Variants in PDE10A observed in about 807,000 individuals in gnomAD.
PDE10A encodes the protein phosphodiesterase 10A, also known as cAMP and cAMP-inhibited cGMP 3',5'-cyclic phosphodiesterase 10A.
In PDE10A, 39 loss-of-function variants were observed where a neutral mutation model predicts 97.7. The ratio of observed to expected loss-of-function variants is 0.40; its 90% CI spans 0.31 to 0.52. The LOEUF (loss-of-function observed/expected upper bound fraction) is 0.52. Among genes scored for constraint, PDE10A ranks in the 20% least tolerant of loss-of-function variants. The pLI is 0.56. For synonymous variants in PDE10A, 371 were observed against 376.8 expected (o/e 0.98, Z 0.18); for missense variants, 731 against 1,047.8 (o/e 0.70, Z 4.17).
chr6:165,375,847 C>G (rs1344582489), intron 18 of PDE10A, among the ~76,000 whole-genome samples: 1 of 152,200 alleles, frequency 6.6e-6, no homozygotes, highest in Non-Finnish European at 1.5e-5. Context: ...AATGGAACAA[C>G]AAAGCCTCAA....
intron 2 of PDE10A, among the ~76,000 whole-genome samples, chr6:165,508,068 A>T (rs1289833239): frequency 6.6e-6 from 1 of 152,090 alleles, no homozygotes; most frequent in Admixed American, 6.6e-5. Flanking sequence ...TTGTATTTTC[A>T]AAAACGATTT....
At chr6:165,613,604 G>A (rs1001041034) in intron 1 of PDE10A, among the ~76,000 whole-genome samples, 6 of 152,092 alleles carry the variant, frequency 3.9e-5, no homozygotes, top group African/African-American at 1.2e-4. Flanking sequence ...CTGCACCACT[G>A]CACTCCACCC....
chr6:165,430,997 T>C (rs1403082414), intron 8 of PDE10A, among the ~76,000 whole-genome samples: 1 of 152,192 alleles, frequency 6.6e-6, no homozygotes, highest in Non-Finnish European at 1.5e-5. Context: ...TTAAATTAGA[T>C]ATCTTCAAAA....
chr6:165,383,602 T>C (rs569861040), intron 17 of PDE10A, among the ~76,000 whole-genome samples: 1 of 152,172 alleles, frequency 6.6e-6, no homozygotes, highest in East Asian at 1.9e-4. Flanking sequence ...CCCCTCCCCA[T>C]GCTCTACCTT....
At chr6:165,651,761 AAT>A (rs1293085118) in intron 1 of PDE10A, among the ~76,000 whole-genome samples, 8 of 152,186 alleles carry the variant, frequency 5.3e-5, no homozygotes, top group Non-Finnish European at 8.8e-5. Flanking sequence ...TTTGCATTTA[AAT>A]ATACACATAA....
chr6:165,921,776 G>A (rs1465580925), intron 1 of PDE10A, among the ~76,000 whole-genome samples: 1 of 152,210 alleles, frequency 6.6e-6, no homozygotes, highest in African/African-American at 2.4e-5. Flanking sequence ...TAGAAAGTGG[G>A]TGCAGAAGGG....
chr6:165,853,112 C>T (rs1315077487), intron 1 of PDE10A, among the ~76,000 whole-genome samples: 1 of 152,218 alleles, frequency 6.6e-6, no homozygotes, highest in African/African-American at 2.4e-5. Flanking sequence ...GCTGTCGACC[C>T]GGAGTCTGCG....
intron 1 of PDE10A, among the ~76,000 whole-genome samples, chr6:165,742,869 C>T (rs1408479129): frequency 1.3e-5 from 2 of 152,172 alleles, no homozygotes; most frequent in South Asian, 2.1e-4. Flanking sequence ...CAACACTGCC[C>T]GCTTGCGTTG....
rs77538531 is a variant in PDE10A at position 165,549,317 on chromosome 6, G to A, written c.866-5749C>T. ...CCAAGACAAATATATAAGTTATTAC[G>A]GTTTTTTCTGTTTTTGTTTTTGTTT... On this transcript the variant is annotated intron_variant, in intron 1 of 21. Coordinates refer to ENST00000539869, the MANE Select transcript of PDE10A (RefSeq NM_001385079.1). 3.9e-4 allele frequency among the ~76,000 whole-genome samples: 60 copies of A among 152,062 alleles called. No homozygotes were observed. The East Asian group carries it at 6.8e-3, about 17-fold the overall frequency.
At chr6:165,749,428 CCACCAT>C (rs1445717362) in intron 1 of PDE10A, among the ~76,000 whole-genome samples, 1 of 59,676 alleles carries the variant, frequency 1.7e-5, no homozygotes, top group African/African-American at 6.5e-5. Context: ...ATCACCATCA[CCACCAT>C]CACCATCACC....
At chr6:165,829,535 T>C (rs542058459) in intron 1 of PDE10A, among the ~76,000 whole-genome samples, 1 of 152,330 alleles carries the variant, frequency 6.6e-6, no homozygotes, top group South Asian at 2.1e-4. Flanking sequence ...AGGAGCATGC[T>C]TCGCCATCAG....
intron 1 of PDE10A, among the ~76,000 whole-genome samples, chr6:165,897,061 A>G (rs1335878105): frequency 1.3e-5 from 2 of 152,202 alleles, no homozygotes; most frequent in African/African-American, 2.4e-5. Context: ...GAGGCACTCA[A>G]CAGTCTGTTG....
chr6:165,380,687 C>T (rs574055043), intron 17 of PDE10A, among the ~76,000 whole-genome samples: 1 of 152,202 alleles, frequency 6.6e-6, no homozygotes, highest in African/African-American at 2.4e-5. Flanking sequence ...TGAGATGAGC[C>T]GTTTGAGCAT....
chr6:165,855,434 T>C (rs1036069163), intron 1 of PDE10A, among the ~76,000 whole-genome samples: 17 of 149,162 alleles, frequency 1.1e-4, no homozygotes, highest in African/African-American at 4.0e-4. Flanking sequence ...GGCTGCAGGG[T>C]GGACGTGAGT....
At chr6:165,724,993 A>G (rs1026964325) in intron 1 of PDE10A, among the ~76,000 whole-genome samples, 1 of 152,170 alleles carries the variant, frequency 6.6e-6, no homozygotes, top group Non-Finnish European at 1.5e-5. Context: ...GTGCCCACAG[A>G]CCTAGGTGAG....
intron 1 of PDE10A, among the ~76,000 whole-genome samples, chr6:165,854,165 G>A (rs1409365420): frequency 6.6e-6 from 1 of 152,214 alleles, no homozygotes; most frequent in Admixed American, 6.5e-5. Flanking sequence ...GGCTGGGGCC[G>A]ACGGGGCGCA....
intron 13 of PDE10A, among the ~76,000 whole-genome samples, chr6:165,404,500 T>C (rs1183907511): frequency 6.6e-6 from 1 of 152,064 alleles, no homozygotes; most frequent in Non-Finnish European, 1.5e-5. Flanking sequence ...AAATTTATCC[T>C]AACATATTGC....
intron 1 of PDE10A, among the ~76,000 whole-genome samples, chr6:165,907,915 A>G (rs1782343545): frequency 6.6e-6 from 1 of 152,238 alleles, no homozygotes; most frequent in Non-Finnish European, 1.5e-5. Context: ...AGTCATTGCT[A>G]CCTAAACCAA....
chr6:165,366,207 C>T (rs966398553), intron 18 of PDE10A, among the ~76,000 whole-genome samples: 2 of 152,142 alleles, frequency 1.3e-5, no homozygotes, highest in African/African-American at 4.8e-5. Context: ...TAAAGTCATG[C>T]ACATATTAGA....
Sources: gnomAD v4.1 joint callset for allele counts (sites outside exome capture counted in the v4.1 genomes callset) on GRCh38, gnomAD v4.1.1 for gene constraint, MANE v1.5 for transcripts, NCBI Gene and HGNC (gene_info 2026-07-23, HGNC 2026-07-21) for gene names.